Variants in ENOX1 observed in about 807,000 individuals in gnomAD.
ENOX1 encodes the protein ecto-NOX disulfide-thiol exchanger 1.
ENOX1 carries 42 observed loss-of-function variants against 82.5 expected under a neutral mutation model. The ratio of observed to expected loss-of-function variants is 0.51; its 90% CI spans 0.40 to 0.66. The LOEUF is 0.66. Ranked by LOEUF, ENOX1 falls within the 30% of genes least tolerant of loss-of-function variation. The probability of loss-of-function intolerance (pLI) is 0.00; values close to 1 mark genes in which losing one functional copy is unlikely to be tolerated. For synonymous variants in ENOX1, 271 were observed against 282.2 expected (o/e 0.96, Z 0.40); for missense variants, 608 against 811.6 (o/e 0.75, Z 3.05).
intron 9 of ENOX1, among the ~76,000 whole-genome samples, chr13:43,343,334 G>C (rs150199881): frequency 2.0e-5 from 3 of 152,280 alleles, no homozygotes; most frequent in Admixed American, 2.0e-4. Flanking sequence ...CTTAAGTAAA[G>C]GGCCATTCCT....
chr13:43,307,875 C>A (rs970058354), intron 11 of ENOX1, among the ~76,000 whole-genome samples: 1 of 152,252 alleles, frequency 6.6e-6, no homozygotes, highest in Non-Finnish European at 1.5e-5. Flanking sequence ...CAGGAGAGGC[C>A]AGGCTGAACC....
intron 2 of ENOX1, among the ~76,000 whole-genome samples, chr13:43,646,551 G>A (rs111380399): frequency 0.023 from 3,516 of 152,230 alleles, 139 homozygotes; most frequent in African/African-American, 0.08. Flanking sequence ...TTTTCCTTCT[G>A]GTGGCCACTG....
intron 15 of ENOX1, among the ~76,000 whole-genome samples, chr13:43,231,030 T>C (rs1183432945): frequency 2.6e-5 from 4 of 152,174 alleles, no homozygotes; most frequent in Non-Finnish European, 5.9e-5. Context: ...CCTACACTGG[T>C]TGATAGTCTC....
intron 2 of ENOX1, among the ~76,000 whole-genome samples, chr13:43,571,693 A>AAAAC (rs528317950): frequency 7.6e-4 from 115 of 152,266 alleles, no homozygotes; most frequent in Non-Finnish European, 1.5e-3. Flanking sequence ...TCTGTCTCAA[A>AAAAC]AAACAAACAA....
At chr13:43,445,683 A>G (rs1431080586) in intron 3 of ENOX1, among the ~76,000 whole-genome samples, 2 of 152,096 alleles carry the variant, frequency 1.3e-5, no homozygotes, top group African/African-American at 4.8e-5. Context: ...TTTATGTGTG[A>G]TGTACAACAC....
At chr13:43,439,351 GC>G (rs1276749204) in intron 3 of ENOX1, among the ~76,000 whole-genome samples, 2 of 151,820 alleles carry the variant, frequency 1.3e-5, no homozygotes, top group Admixed American at 1.3e-4. Context: ...TCTGACCTCA[GC>G]CACCACGCCT....
chr13:43,625,662 T>C (rs1004583228), intron 2 of ENOX1, among the ~76,000 whole-genome samples: 2 of 152,008 alleles, frequency 1.3e-5, no homozygotes, highest in African/African-American at 4.8e-5. Flanking sequence ...TTTTCAAATA[T>C]TGAACCAGCA....
chr13:43,746,898 G>A lies in ENOX1; in HGVS notation c.-285+39754C>T, dbSNP rs115884048. Among the ~76,000 whole-genome samples the A allele has an allele frequency of 9.0e-4, 137 of 152,092 alleles. 1 individual carries two copies. The highest frequency in any genetic ancestry group is 1.9e-3 in the Non-Finnish European group (126 of 67,998). On this transcript the variant is annotated intron_variant, in intron 1 of 16. Transcript: ENST00000690772. ...TTGAAATGCAATCTGAACTTCAAAC[G>A]GCAGTTTGTCTCCTCTTAACCAGTT... is the stretch of plus-strand genomic sequence containing the variant.
At chr13:43,270,644 G>C (rs922236886) in intron 12 of ENOX1, among the ~76,000 whole-genome samples, 2 of 152,120 alleles carry the variant, frequency 1.3e-5, no homozygotes, top group Non-Finnish European at 2.9e-5. Context: ...TACTGGTTTG[G>C]GGGGATTTTG....
chr13:43,222,380 TACACACACAC>T (rs35476412), intron 16 of ENOX1, among the ~76,000 whole-genome samples: 5 of 149,090 alleles, frequency 3.4e-5, no homozygotes, highest in Non-Finnish European at 6.0e-5. Flanking sequence ...GAGATGATTT[TACACACACAC>T]ACACACACAC....
rs534137972 is a variant in ENOX1, at chr13:43,240,549, A to G, written c.1612-3811T>C. On this transcript the variant is annotated intron_variant, in intron 14 of 16. Transcript: ENST00000690772. ...GTCAAAACCCATGCAGAGTGCAAAC[A>G]GCATTTAAGAGGTGGAACTAAAAAA... Among the ~76,000 whole-genome samples, 7 of 152,312 alleles carry G rather than the reference A, an allele frequency of 4.6e-5. No individual in the cohort carries two copies. In the East Asian group the frequency reaches 1.4e-3, roughly 29 times the overall value.
intron 3 of ENOX1, among the ~76,000 whole-genome samples, chr13:43,479,637 G>A (rs1180662238): frequency 6.6e-6 from 1 of 152,222 alleles, no homozygotes; most frequent in Non-Finnish European, 1.5e-5. Flanking sequence ...ATGTATGTTA[G>A]TGTATTTCTA....
At chr13:43,646,570 T>A (rs1323080474) in intron 2 of ENOX1, among the ~76,000 whole-genome samples, 2 of 152,180 alleles carry the variant, frequency 1.3e-5, no homozygotes, top group African/African-American at 4.8e-5. Flanking sequence ...TGTTGGGTTA[T>A]TAGAATCGTC....
intron 13 of ENOX1, among the ~76,000 whole-genome samples, chr13:43,265,843 C>T (rs192091473): frequency 3.5e-4 from 53 of 152,268 alleles, no homozygotes; most frequent in Admixed American, 2.6e-3. Context: ...GTTATATTAA[C>T]GATTATTCGT....
intron 1 of ENOX1, among the ~76,000 whole-genome samples, chr13:43,754,747 G>C (rs567546119): frequency 2.1e-4 from 32 of 152,090 alleles, no homozygotes; most frequent in Admixed American, 2.1e-3. Context: ...ACCACACCCA[G>C]CTAATTTTTT....
At chr13:43,539,716 C>T (rs1171596500) in intron 2 of ENOX1, among the ~76,000 whole-genome samples, 1 of 152,018 alleles carries the variant, frequency 6.6e-6, no homozygotes, top group Non-Finnish European at 1.5e-5. Flanking sequence ...TTTCTAAATG[C>T]TTACTAATGT....
At chr13:43,296,581 C>T (rs978958429) in intron 12 of ENOX1, among the ~76,000 whole-genome samples, 7 of 152,190 alleles carry the variant, frequency 4.6e-5, no homozygotes, top group Non-Finnish European at 8.8e-5. Context: ...ACATTTCCTA[C>T]TGACAAGGAG....
intron 1 of ENOX1, among the ~76,000 whole-genome samples, chr13:43,744,686 G>T (rs1949925637): frequency 6.6e-6 from 1 of 152,226 alleles, no homozygotes; most frequent in Non-Finnish European, 1.5e-5. Context: ...ATCTCCGCTA[G>T]TGCTTTCACC....
At chr13:43,523,569 C>T (rs2077864148) in intron 2 of ENOX1, among the ~76,000 whole-genome samples, 1 of 152,140 alleles carries the variant, frequency 6.6e-6, no homozygotes, top group Non-Finnish European at 1.5e-5. Context: ...AGCAGCTAAA[C>T]TATTTTCAAA....
Sources: gnomAD v4.1 joint callset for allele counts (sites outside exome capture counted in the v4.1 genomes callset) on GRCh38, gnomAD v4.1.1 for gene constraint, MANE v1.5 for transcripts, NCBI Gene and HGNC (gene_info 2026-07-23, HGNC 2026-07-21) for gene names.